Variants in CMYA5 observed in about 807,000 individuals in gnomAD.
CMYA5 encodes cardiomyopathy associated 5.
Under a neutral mutation model 318.9 loss-of-function variants are expected in CMYA5, and 246 were observed. The observed-to-expected ratio is 0.77, with a 90% CI of 0.70 to 0.86. CMYA5 has a LOEUF of 0.86. Ranked by LOEUF, CMYA5 falls within the 40% of genes least tolerant of loss-of-function variation. The probability of loss-of-function intolerance (pLI) is 0.00; values close to 1 mark genes in which losing one functional copy is unlikely to be tolerated. For missense variants in CMYA5, 4,589 were observed against 4,678.2 expected (o/e 0.98, Z 0.56); for synonymous variants, 1,641 against 1,729.5 (o/e 0.95, Z 1.27).
At position 79,736,141 on chromosome 5, in the gene CMYA5, A is replaced by G. The variant is rs777336950; in HGVS notation, c.7376A>G (p.Asn2459Ser). The G allele has an allele frequency of 1.7e-5, 27 of 1,613,656 alleles. No homozygotes were observed. The highest frequency in any genetic ancestry group is 2.2e-5 in the Non-Finnish European group (26 of 1,179,774). ...RSVSPTEKKD[N>S]LENRSYTLAE... ...GTTAGTCCAACTGAGAAGAAAGATA[A>G]TTTGGAAAACAGATCATATACCTTG... Residue 2459 changes from asparagine (N) to serine (S), a missense_variant, in exon 2 of 13, where the codon AAT becomes AGT. Physicochemically the swap from Asn to Ser is conservative, Grantham distance 46. Coordinates refer to ENST00000446378, the MANE Select transcript of CMYA5 (RefSeq NM_153610.5).
chr5:79,728,955 T>TATATC lies in CMYA5; in HGVS notation c.196_200dup (p.Asp68TyrfsTer9). On this transcript the variant is annotated frameshift_variant, in exon 2 of 13. Coordinates refer to ENST00000446378, the MANE Select transcript of CMYA5 (RefSeq NM_153610.5). LOFTEE classifies it high-confidence loss of function. The stretch of plus-strand genomic sequence containing the variant: ...TGAAGAGGGAAAGATCAAGCAGGAG[T>TATATC]ATATCATATCTGACCCCTCCTTTTC... 1 of 1,610,644 alleles carries TATATC rather than the reference T, an allele frequency of 6.2e-7. No homozygotes were observed.
chr5:79,736,902 A>G lies in CMYA5; in HGVS notation c.8137A>G (p.Ser2713Gly). The change falls in exon 2 of 13, where the codon AGT becomes GGT. Residue 2713 changes from serine (S) to glycine (G), a missense_variant. This residue lies in a region of CMYA5 where 2,431 missense variants were observed against 2,495.1 expected (regional missense o/e 0.97). Coordinates refer to ENST00000446378, the MANE Select transcript of CMYA5 (RefSeq NM_153610.5). ...AACCCAACCACGTCCTTTAGAAGAA[A>G]GTAAAGTTTTGGTGGAGAAAACTAA... is the stretch of plus-strand genomic sequence containing the variant. The part of the protein sequence containing the change: ...VGTQPRPLEE[S>G]KVLVEKTKTF... The G allele has an allele frequency of 6.2e-7, 1 of 1,613,480 alleles. No individual in the cohort carries two copies. Among genetic ancestry groups the G allele is most frequent in the African/African-American group, 1.3e-5 (1 of 74,902 alleles).
intron 1 of CMYA5, among the ~76,000 whole-genome samples, chr5:79,728,489 G>A (rs1827796233): frequency 1.3e-5 from 2 of 152,042 alleles, no homozygotes; most frequent in South Asian, 2.1e-4. Flanking sequence ...GAAGTTAATG[G>A]CAGTGACTAG....
intron 9 of CMYA5, among the ~76,000 whole-genome samples, chr5:79,770,026 G>T (rs1828824649): frequency 6.6e-6 from 1 of 152,232 alleles, no homozygotes; most frequent in Non-Finnish European, 1.5e-5. Flanking sequence ...TAGAGAGGCA[G>T]TCGGGCTAGA....
At chr5:79,705,673 T>A (rs1827256662) in intron 1 of CMYA5, among the ~76,000 whole-genome samples, 1 of 152,168 alleles carries the variant, frequency 6.6e-6, no homozygotes, top group Non-Finnish European at 1.5e-5. Context: ...GCATATATCA[T>A]CCAGGAGCTG....
chr5:79,734,714 A>G lies in CMYA5; in HGVS notation c.5949A>G (p.Glu1983=). ...TATCAAGTAAAAGTTACTCTTCTGA[A>G]GAAGTAAAGCTGGCTGAAGAACCAA... ...ETLSSKSYSS[E]EVKLAEEPKS... is the part of the protein sequence containing the mutation. The change falls in exon 2 of 13, where the codon GAA becomes GAG. Residue 1983 remains glutamate, a synonymous_variant. Coordinates refer to ENST00000446378, the MANE Select transcript of CMYA5 (RefSeq NM_153610.5). The G allele has an allele frequency of 6.2e-7, 1 of 1,613,874 alleles. No homozygotes were observed.
chr5:79,731,567 A>G lies in CMYA5; in HGVS notation c.2802A>G (p.Leu934=), dbSNP rs752283470. ...NLKGASSPMN[L]SEEDQEDIGP... is the part of the protein sequence containing the mutation. The stretch of plus-strand genomic sequence containing the variant: ...AAGGTGCATCCTCACCCATGAATTT[A>G]TCAGAAGAAGATCAAGAAGACATTG... The change falls in exon 2 of 13, where the codon TTA becomes TTG. Residue 934 remains leucine (L), a synonymous_variant. Coordinates refer to ENST00000446378, the MANE Select transcript of CMYA5 (RefSeq NM_153610.5). 3.7e-6 allele frequency: 6 copies of G among 1,610,512 alleles called. No individual in the cohort carries two copies. The highest frequency in any genetic ancestry group is 2.2e-5 in the South Asian group (2 of 90,342).
chr5:79,772,874 A>G (rs190834537), intron 9 of CMYA5, among the ~76,000 whole-genome samples: 1 of 152,344 alleles, frequency 6.6e-6, no homozygotes, highest in African/African-American at 2.4e-5. Flanking sequence ...TCTGTAAAAC[A>G]TTAACTATTT....
In CMYA5 at chr5:79,730,506, G is replaced by A; in HGVS notation, c.1741G>A (p.Glu581Lys). The change falls in exon 2 of 13, where the codon GAA (glutamate) becomes AAA (lysine). Residue 581 changes from glutamate (E) to lysine (K), a missense_variant. Glu to Lys is a moderately conservative substitution (Grantham distance 56, BLOSUM62 1). This residue lies in a region of CMYA5 where 2,132 missense variants were observed against 2,131.3 expected (regional missense o/e 1.00). Transcript: ENST00000446378. ...TGAACATGTTGCTTTGTCTGAGGAAGAAAGAGAGGAAATTGCATCTGTTTC... is the reference window on the plus strand; with the variant it reads ...TGAACATGTTGCTTTGTCTGAGGAAAAAAGAGAGGAAATTGCATCTGTTTC... ...SPEHVALSEEEREEIASVSTG... is the reference protein window; with the variant it reads ...SPEHVALSEEKREEIASVSTG... 6.2e-7 allele frequency: 1 copy of A among 1,613,936 alleles called. No individual in the cohort carries two copies. The highest frequency in any genetic ancestry group is 8.5e-7 in the Non-Finnish European group (1 of 1,179,862).
intron 12 of CMYA5, among the ~76,000 whole-genome samples, chr5:79,794,228 CT>C (rs1829234006): frequency 6.6e-6 from 1 of 152,194 alleles, no homozygotes; most frequent in African/African-American, 2.4e-5. Flanking sequence ...CAGTCATGCT[CT>C]TTTGTTTATG....
intron 9 of CMYA5, among the ~76,000 whole-genome samples, chr5:79,787,407 T>A (rs917644568): frequency 2.0e-5 from 3 of 152,236 alleles, no homozygotes; most frequent in Admixed American, 2.0e-4. Flanking sequence ...ATTTCTTCAG[T>A]CATCAATTCC....
In CMYA5 at chr5:79,730,284, G is replaced by GAAGAAATAGA. The variant is rs1827858189; in HGVS notation, c.1522_1531dup (p.Thr511ArgfsTer13). On this transcript the variant is annotated frameshift_variant, in exon 2 of 13. Coordinates refer to ENST00000446378, the MANE Select transcript of CMYA5 (RefSeq NM_153610.5). LOFTEE classifies it high-confidence loss of function. ...TCTAATGTTAGAAGAACCAGAGAAA[G>GAAGAAATAGA]AAGAAATAGAAACTTCCCTACCCAT... The GAAGAAATAGA allele has an allele frequency of 6.2e-7, 1 of 1,613,664 alleles. No homozygotes were observed. The highest frequency in any genetic ancestry group is 1.1e-5 in the South Asian group (1 of 91,068).
Position 79,737,306 on chromosome 5 carries a change from A to C in CMYA5, c.8541A>C (p.Thr2847=). 6.2e-7 allele frequency: 1 copy of C among 1,613,880 alleles called. No individual in the cohort carries two copies. The highest frequency in any genetic ancestry group is 8.5e-7 in the Non-Finnish European group (1 of 1,179,814). The change falls in exon 2 of 13, where the codon ACA becomes ACC. Residue 2847 remains threonine, a synonymous_variant. Coordinates refer to ENST00000446378, the MANE Select transcript of CMYA5 (RefSeq NM_153610.5). ...PRSELTPERH[T]VHTIQTSKDD... ...CAGAATTGACTCCAGAAAGGCATAC[A>C]GTTCATACTATTCAGACATCTAAAG...
Position 79,733,879 on chromosome 5 carries a change from G to A in CMYA5, c.5114G>A (p.Arg1705Lys). Residue 1705 changes from arginine to lysine, a missense_variant, in exon 2 of 13, where the codon AGG (arginine) becomes AAG (lysine). Coordinates refer to ENST00000446378, the MANE Select transcript of CMYA5 (RefSeq NM_153610.5). ...PAISELSSLL[R>K]EESQNEEIKP... ...ATTTCAGAGCTTTCATCATTGCTTA[G>A]GGAGGAATCTCAGAATGAAGAAATT... is the stretch of plus-strand genomic sequence containing the variant. 1.9e-6 allele frequency: 3 copies of A among 1,613,382 alleles called. No individual in the cohort carries two copies. Among genetic ancestry groups the A allele is most frequent in the Non-Finnish European group, 2.5e-6 (3 of 1,179,816 alleles).
At position 79,731,326 on chromosome 5, in the gene CMYA5, ACT is replaced by A; in HGVS notation, c.2564_2565del (p.Ser855PhefsTer11). Reference sequence around the variant, plus strand: ...CCAGATTTGGTTGTTGCATCTGAACACTCTTTCCCACCACACACAACCGAGAT... The same window carrying A: ...CCAGATTTGGTTGTTGCATCTGAACACTTTCCCACCACACACAACCGAGAT... On this transcript the variant is annotated frameshift_variant, in exon 2 of 13. Coordinates refer to ENST00000446378, the MANE Select transcript of CMYA5 (RefSeq NM_153610.5). LOFTEE classifies it high-confidence loss of function. 1.2e-6 allele frequency: 2 copies of A among 1,613,624 alleles called. No homozygotes were observed. Among genetic ancestry groups the A allele is most frequent in the South Asian group, 1.1e-5 (1 of 91,054 alleles).
intron 1 of CMYA5, among the ~76,000 whole-genome samples, chr5:79,705,418 AT>A (rs201773583): frequency 0.12 from 17,981 of 148,416 alleles, 1,124 homozygotes; most frequent in East Asian, 0.22. Flanking sequence ...TAGATATAGT[AT>A]TTTTTTTTTT....
chr5:79,724,036 G>A (rs868064455), intron 1 of CMYA5, among the ~76,000 whole-genome samples: 4 of 151,842 alleles, frequency 2.6e-5, no homozygotes, highest in Admixed American at 6.6e-5. Context: ...TTTTTTAATC[G>A]GCCGGGTGTG....
At chr5:79,703,034 C>G (rs907481985) in intron 1 of CMYA5, among the ~76,000 whole-genome samples, 3 of 152,186 alleles carry the variant, frequency 2.0e-5, no homozygotes, top group Admixed American at 6.5e-5. Context: ...CCCAGGCCCC[C>G]CAAGGTGGGG....
chr5:79,717,980 C>T (rs1827552326), intron 1 of CMYA5, among the ~76,000 whole-genome samples: 1 of 51,466 alleles, frequency 1.9e-5, no homozygotes, highest in Non-Finnish European at 3.5e-5. Flanking sequence ...GCTCCGCCTC[C>T]CGGGTTCACG....
Sources: gnomAD v4.1 joint callset for allele counts (sites outside exome capture counted in the v4.1 genomes callset) on GRCh38, gnomAD v4.1.1 for gene constraint, gnomAD v4.1.1 regional missense constraint, MANE v1.5 for transcripts, NCBI Gene and HGNC (gene_info 2026-07-23, HGNC 2026-07-21) for gene names.